The following CDHR2 variants were observed in gnomAD, a reference collection of about 807,000 sequenced individuals.
The protein encoded by CDHR2 is cadherin related family member 2.
Under a neutral mutation model 138.6 loss-of-function variants are expected in CDHR2, and 104 were observed. The ratio of observed to expected loss-of-function variants is 0.75; its 90% CI spans 0.64 to 0.88. The LOEUF is 0.88. CDHR2 is among the 40% of genes least tolerant of loss of function. The pLI, the probability that CDHR2 is intolerant of heterozygous loss-of-function variation, is 0.00. For synonymous variants in CDHR2, 755 were observed against 742.8 expected, an observed-to-expected ratio of 1.02 and a Z score of -0.27; for missense variants, 1,624 against 1,727.6, an observed-to-expected ratio of 0.94 and a Z score of 1.06.
At chr5:176,595,872 G>T (rs1319194638), downstream of CDHR2, 1 of 489,196 alleles carries the variant, frequency 2.0e-6, no homozygotes, top group Non-Finnish European at 3.5e-6. Flanking sequence ...GGAGGGGTGG[G>T]GACGGGACAC....
At position 176,575,341 on chromosome 5, in the gene CDHR2, C is replaced by A. The variant is rs764108247; in HGVS notation, c.683C>A (p.Ser228Tyr). 1.9e-6 allele frequency: 3 copies of A among 1,614,120 alleles called. No individual in the cohort carries two copies. Among genetic ancestry groups the A allele is most frequent in the Non-Finnish European group, 2.5e-6 (3 of 1,180,060 alleles). Residue 228 changes from serine (S) to tyrosine (Y), a missense_variant, in exon 9 of 32, where the codon TCC (serine) becomes TAC (tyrosine). Ser to Tyr is a moderately radical substitution (Grantham distance 144). Around this residue, in one of 3 missense-constraint regions of CDHR2, gnomAD observed 1,061 missense variants for 1,136.6 expected, o/e 0.93. Transcript: ENST00000261944. The part of the protein sequence containing the change: ...TIQCSLPVFL[S>Y]ISVVDQPDLD... The stretch of plus-strand genomic sequence containing the variant: ...CAGTGCTCCCTGCCTGTCTTCCTGT[C>A]CATCTCCGTGGTGGACCAGCCTGAC...
At position 176,568,719 on chromosome 5, in the gene CDHR2, G is replaced by C; in HGVS notation, c.166G>C (p.Asp56His). 1 of 1,614,238 alleles carries C rather than the reference G, an allele frequency of 6.2e-7. No homozygotes were observed. The highest frequency in any genetic ancestry group is 8.5e-7 in the Non-Finnish European group (1 of 1,180,044). The change falls in exon 4 of 32, where the codon GAC becomes CAC. Residue 56 changes from aspartate (D) to histidine (H), a missense_variant. Physicochemically the swap from Asp to His is moderately conservative, Grantham distance 81. This residue lies in a region of CDHR2 where 1,061 missense variants were observed against 1,136.6 expected (regional missense o/e 0.93). Coordinates refer to ENST00000261944, the MANE Select transcript of CDHR2 (RefSeq NM_017675.6). Reference protein sequence around the residue: ...FWLVAEDQDNDPLTYGMSGPN... With the variant: ...FWLVAEDQDNHPLTYGMSGPN... ...GTTGGTAGCGGAAGACCAGGACAAT[G>C]ACCCTCTGACCTATGGGATGAGCGG...
At chr5:176,572,621 G>A (rs1029373705) in intron 6 of CDHR2, among the ~76,000 whole-genome samples, 1 of 152,132 alleles carries the variant, frequency 6.6e-6, no homozygotes, top group Non-Finnish European at 1.5e-5. Flanking sequence ...GAGGAGTGGG[G>A]ACAGTTCCAC....
chr5:176,564,509 G>A (rs1758038367), intron 1 of CDHR2, among the ~76,000 whole-genome samples: 1 of 152,156 alleles, frequency 6.6e-6, no homozygotes, highest in Non-Finnish European at 1.5e-5. Flanking sequence ...CATTGAAAGG[G>A]CCTTGATGTT....
chr5:176,580,438 AG>A (rs571957096), intron 16 of CDHR2, among the ~76,000 whole-genome samples: 115 of 150,478 alleles, frequency 7.6e-4, no homozygotes, highest in African/African-American at 2.7e-3. Flanking sequence ...CTGAGGCAGG[AG>A]AATCACTTGA....
rs1412234077 is a variant in CDHR2 at position 176,578,421 on chromosome 5, A to G, written c.1631A>G (p.Glu544Gly). The G allele has an allele frequency of 6.2e-7, 1 of 1,614,092 alleles. No individual in the cohort carries two copies. The highest frequency in any genetic ancestry group is 8.5e-7 in the Non-Finnish European group (1 of 1,180,008). ...VSGTVTVRNG[E>G]LLDRESQAVY... ...GGGACGGTGACGGTGAGGAACGGTGAGCTGCTGGACCGGGAGAGCCAGGCC... is the reference window on the plus strand; with the variant it reads ...GGGACGGTGACGGTGAGGAACGGTGGGCTGCTGGACCGGGAGAGCCAGGCC... Residue 544 changes from glutamate (E) to glycine (G), a missense_variant, in exon 16 of 32, where the codon GAG (glutamate) becomes GGG (glycine). This residue lies in a region of CDHR2 where 1,061 missense variants were observed against 1,136.6 expected (regional missense o/e 0.93). Coordinates refer to ENST00000261944, the MANE Select transcript of CDHR2 (RefSeq NM_017675.6).
rs777865458 is a variant in CDHR2 at position 176,591,238 on chromosome 5, G to T, written c.3568G>T (p.Ala1190Ser). ...CAACCGGAAGCTTCAAGCTATGAAG[G>T]CTGCCAAGGAGGCCAGGAAGACAGC... is the stretch of plus-strand genomic sequence containing the variant. ...SYNRKLQAMKAAKEARKTAAG... is the reference protein window; with the variant it reads ...SYNRKLQAMKSAKEARKTAAG... The change falls in exon 29 of 32, where the codon GCT becomes TCT. Residue 1190 changes from alanine to serine, a missense_variant. Ala to Ser is a moderately conservative substitution (Grantham distance 99). Transcript: ENST00000261944. 8 of 1,613,782 alleles carry T rather than the reference G, an allele frequency of 5.0e-6. No homozygotes were observed. Among genetic ancestry groups the T allele is most frequent in the Non-Finnish European group, 6.8e-6 (8 of 1,179,960 alleles).
At chr5:176,562,659 C>T (rs186664782) in intron 1 of CDHR2, among the ~76,000 whole-genome samples, 21 of 152,200 alleles carry the variant, frequency 1.4e-4, no homozygotes, top group African/African-American at 4.6e-4. Flanking sequence ...AAATATAAAT[C>T]TAGAAAAAGA....
In CDHR2 at chr5:176,581,375, C is replaced by G. The variant is rs1337467076; in HGVS notation, c.1851C>G (p.Asn617Lys). 6.2e-7 allele frequency: 1 copy of G among 1,613,980 alleles called. No individual in the cohort carries two copies. Among genetic ancestry groups the G allele is most frequent in the East Asian group, 2.2e-5 (1 of 44,874 alleles). The change falls in exon 17 of 32, where the codon AAC (asparagine) becomes AAG (lysine). Residue 617 changes from asparagine (N) to lysine (K), a missense_variant. Transcript: ENST00000261944. ...ACAATGATGAGCCGGGCACCAACAA[C>G]AGCCGTCTGCTCTTCAACCTGCTGC... ...AHDNDEPGTN[N>K]SRLLFNLLPG...
At position 176,595,784 on chromosome 5, in the gene CDHR2, A is replaced by C. The variant is rs912307465; in HGVS notation, c.*112A>C. ...GCTGCCCTGCCTCCTGCTTTTGGCC[A>C]ATCACGGCAGACAGGGGTTGGGGAA... On this transcript the variant is annotated 3_prime_UTR_variant, in exon 32 of 32. Coordinates refer to ENST00000261944, the MANE Select transcript of CDHR2 (RefSeq NM_017675.6). The C allele has an allele frequency of 2.7e-5, 30 of 1,096,152 alleles. No homozygotes were observed. The highest frequency in any genetic ancestry group is 3.5e-5 in the Non-Finnish European group (28 of 796,264). The allele number at this position is 1,096,152 out of a possible 1,614,324, so 67.9% of individuals were successfully genotyped here.
In CDHR2 at chr5:176,575,446, G is replaced by A. The variant is rs576687748; in HGVS notation, c.768+20G>A. On this transcript the variant is annotated intron_variant, in intron 9 of 31. Transcript: ENST00000261944. ...GCCAAGGTGCACGGGGGACCTGTGG[G>A]GTGTGGGTGGAGGCGGGAGGCGGGG... is the stretch of plus-strand genomic sequence containing the variant. 3.8e-5 allele frequency: 62 copies of A among 1,614,232 alleles called. 1 individual carries two copies. In the South Asian group the frequency reaches 6.3e-4, roughly 16 times the overall value.
intron 5 of CDHR2, 98 bp from the exon 6 acceptor site, chr5:176,571,115 A>C: frequency 1.9e-6 from 1 of 522,470 alleles, no homozygotes; most frequent in South Asian, 1.6e-5. Flanking sequence ...CAGTAGGTTG[A>C]TCTGGATGAA....
At chr5:176,584,165 G>C in intron 17 of CDHR2, 25 bp from the exon 18 acceptor site, 1 of 1,605,428 alleles carries the variant, frequency 6.2e-7, no homozygotes, top group Non-Finnish European at 8.5e-7. Flanking sequence ...GGATCCCGGG[G>C]ACTCAGACCT....
chr5:176,587,646 C>T (rs139347816), intron 21 of CDHR2, among the ~76,000 whole-genome samples: 68 of 152,122 alleles, frequency 4.5e-4, no homozygotes, highest in African/African-American at 1.5e-3. Context: ...TCTGGGACTC[C>T]GTTTCCCTGT....
At chr5:176,578,846 C>T (rs1453086204) in intron 16 of CDHR2, among the ~76,000 whole-genome samples, 1 of 152,144 alleles carries the variant, frequency 6.6e-6, no homozygotes, top group Non-Finnish European at 1.5e-5. Context: ...AGAAATCCCT[C>T]AAAAACATAC....
chr5:176,593,840 G>T (rs564968330), intron 31 of CDHR2, among the ~76,000 whole-genome samples: 14 of 152,270 alleles, frequency 9.2e-5, no homozygotes, highest in African/African-American at 3.4e-4. Context: ...GGTATAACAC[G>T]GTACAGGGAA....
intron 21 of CDHR2, among the ~76,000 whole-genome samples, chr5:176,588,722 T>C (rs1372902605): frequency 8.9e-6 from 1 of 112,590 alleles, no homozygotes; most frequent in East Asian, 2.1e-4. Flanking sequence ...AGTGTGTGTG[T>C]GTGAGAGAGA....
At chr5:176,570,482 A>C (rs1245727320) in intron 5 of CDHR2, among the ~76,000 whole-genome samples, 1 of 152,128 alleles carries the variant, frequency 6.6e-6, no homozygotes, top group Non-Finnish European at 1.5e-5. Context: ...CGTAGCTGGG[A>C]CTACAGGCGC....
Position 176,574,109 on chromosome 5 carries a change from C to T in CDHR2, c.432C>T (p.Phe144=). The change falls in exon 7 of 32, where the codon TTC becomes TTT. Residue 144 remains phenylalanine (F), a synonymous_variant. Transcript: ENST00000261944. ...CCCTGCCCGTGGGCAGTGTGGTGTT[C>T]TCCGTGCTGGCCGTGGATAAAGACA... ...NETLPVGSVV[F]SVLAVDKDMG... 6.2e-7 allele frequency: 1 copy of T among 1,614,054 alleles called. No homozygotes were observed. The highest frequency in any genetic ancestry group is 8.5e-7 in the Non-Finnish European group (1 of 1,179,952).
Sources: gnomAD v4.1 joint callset for allele counts (sites outside exome capture counted in the v4.1 genomes callset) on GRCh38, gnomAD v4.1.1 for gene constraint, gnomAD v4.1.1 regional missense constraint, MANE v1.5 for transcripts, NCBI Gene and HGNC (gene_info 2026-07-23, HGNC 2026-07-21) for gene names.